The following IL6R variants were observed in gnomAD, a reference collection of about 807,000 sequenced individuals.
The protein encoded by IL6R is interleukin 6 receptor.
In IL6R, 38 loss-of-function variants were observed where a neutral mutation model predicts 48.3. The ratio of observed to expected loss-of-function variants is 0.79; its 90% CI spans 0.61 to 1.03. The LOEUF (loss-of-function observed/expected upper bound fraction) is 1.03. IL6R is among the 50% of genes least tolerant of loss of function. IL6R has a pLI of 0.00. For missense variants in IL6R, 534 were observed against 618.3 expected, an observed-to-expected ratio of 0.86 and a Z score of 1.45; for synonymous variants, 264 against 256.2, an observed-to-expected ratio of 1.03 and a Z score of -0.29.
intron 1 of IL6R, among the ~76,000 whole-genome samples, chr1:154,408,491 C>T (rs1002787171): frequency 1.3e-5 from 2 of 152,122 alleles, no homozygotes; most frequent in Admixed American, 1.3e-4. Context: ...TGGGTACCAA[C>T]TACCCGTGAA....
At chr1:154,447,480 C>T (rs1408657218) in intron 6 of IL6R, among the ~76,000 whole-genome samples, 9 of 90,976 alleles carry the variant, frequency 9.9e-5, no homozygotes, top group Admixed American at 9.5e-4. Flanking sequence ...TATATATACA[C>T]ACACACACAC....
chr1:154,446,289 C>T (rs919616261), intron 6 of IL6R, among the ~76,000 whole-genome samples: 5 of 152,188 alleles, frequency 3.3e-5, no homozygotes, highest in Admixed American at 3.3e-4. Flanking sequence ...TCTGTTTCCC[C>T]TCTGTACAAT....
chr1:154,437,834 C>T (rs1048887767), intron 6 of IL6R, among the ~76,000 whole-genome samples: 2 of 151,868 alleles, frequency 1.3e-5, no homozygotes, highest in Non-Finnish European at 2.9e-5. Context: ...CTGCCTCAGC[C>T]TCCTGAGTAG....
At chr1:154,438,750 C>T (rs2149249495) in intron 6 of IL6R, among the ~76,000 whole-genome samples, 1 of 152,218 alleles carries the variant, frequency 6.6e-6, no homozygotes, top group East Asian at 1.9e-4. Context: ...CTTTCCTGTC[C>T]TGGGGAGAGC....
At chr1:154,463,942 G>A (rs892243316) in intron 9 of IL6R, among the ~76,000 whole-genome samples, 1 of 152,114 alleles carries the variant, frequency 6.6e-6, no homozygotes, top group African/African-American at 2.4e-5. Context: ...CCAGCATGGT[G>A]GGAGTGGACC....
At chr1:154,453,166 C>T (rs1316434941) in intron 8 of IL6R, among the ~76,000 whole-genome samples, 1 of 152,150 alleles carries the variant, frequency 6.6e-6, no homozygotes, top group African/African-American at 2.4e-5. Context: ...GATCACACCA[C>T]TGCACTCCAG....
chr1:154,451,505 G>T (rs1690578513), intron 8 of IL6R, among the ~76,000 whole-genome samples: 1 of 152,076 alleles, frequency 6.6e-6, no homozygotes, highest in African/African-American at 2.4e-5. Flanking sequence ...GCCACAGAGT[G>T]AGATTCCATG....
chr1:154,442,929 G>A (rs1053944465), intron 6 of IL6R, among the ~76,000 whole-genome samples: 4 of 151,960 alleles, frequency 2.6e-5, no homozygotes, highest in Non-Finnish European at 5.9e-5. Flanking sequence ...ACGATGCCCA[G>A]CTAATTTTTT....
intron 1 of IL6R, among the ~76,000 whole-genome samples, chr1:154,418,705 G>A (rs192351206): frequency 1.6e-4 from 24 of 152,314 alleles, no homozygotes; most frequent in Admixed American, 1.2e-3. Flanking sequence ...GGCCCAGATG[G>A]TGGGGTGACT....
intron 8 of IL6R, among the ~76,000 whole-genome samples, chr1:154,453,041 CA>C (rs1690673696): frequency 6.6e-6 from 1 of 151,440 alleles, no homozygotes; most frequent in Non-Finnish European, 1.5e-5. Flanking sequence ...CTCATCTCTA[CA>C]AAAAATACAA....
rs1298423874 is a variant in IL6R, at chr1:154,466,295, T to C, written c.*915T>C. ...GGGAGGGCTTCTGCCATTTCTGAGA[T>C]CAAAACGGTTTTACTGCAGCTTTGT... On this transcript the variant is annotated 3_prime_UTR_variant, in exon 10 of 10. Transcript: ENST00000368485. The C allele has an allele frequency of 2.0e-5, 3 of 152,144 alleles. No homozygotes were observed. The highest frequency in any genetic ancestry group is 4.8e-5 in the African/African-American group (2 of 41,432). The allele number at this position is 152,144 out of a possible 1,614,324, so 9.4% of individuals were successfully genotyped here.
chr1:154,429,322 C>G lies in IL6R; in HGVS notation c.212C>G (p.Pro71Arg). ...VLRKPAAGSH[P>R]SRWAGMGRRL... is the part of the protein sequence containing the mutation. ...AGGAAGCCGGCTGCAGGCTCCCACC[C>G]CAGCAGATGGGCTGGCATGGGAAGG... Residue 71 changes from proline to arginine, a missense_variant, in exon 2 of 10, where the codon CCC (proline) becomes CGC (arginine). Transcript: ENST00000368485. 2 of 1,614,132 alleles carry G rather than the reference C, an allele frequency of 1.2e-6. No individual in the cohort carries two copies. The highest frequency in any genetic ancestry group is 1.7e-6 in the Non-Finnish European group (2 of 1,180,026).
intron 2 of IL6R, among the ~76,000 whole-genome samples, chr1:154,429,868 C>T (rs1381583505): frequency 6.6e-6 from 1 of 152,106 alleles, no homozygotes; most frequent in Non-Finnish European, 1.5e-5. Flanking sequence ...ATATCACACA[C>T]ATATGCTGCT....
At chr1:154,408,299 ATC>A (rs1049199814) in intron 1 of IL6R, among the ~76,000 whole-genome samples, 9 of 152,142 alleles carry the variant, frequency 5.9e-5, no homozygotes, top group African/African-American at 2.2e-4. Flanking sequence ...GTTGCCAGAA[ATC>A]TCTCCTTGCT....
At chr1:154,406,343 G>C (rs895800741) in intron 1 of IL6R, 1 of 152,400 alleles carries the variant, frequency 6.6e-6, no homozygotes, top group African/African-American at 2.4e-5. Flanking sequence ...TGAGTCGGGA[G>C]GCTGGCAAGG....
intron 8 of IL6R, among the ~76,000 whole-genome samples, chr1:154,453,102 G>A (rs1393644146): frequency 6.6e-6 from 1 of 152,114 alleles, no homozygotes; most frequent in Non-Finnish European, 1.5e-5. Context: ...GTACTTGGGA[G>A]GCTGAGGTAG....
At position 154,405,604 on chromosome 1, in the gene IL6R, C is replaced by G; in HGVS notation, c.-26C>G. 6.6e-7 allele frequency: 1 copy of G among 1,523,162 alleles called. No homozygotes were observed. Among genetic ancestry groups the G allele is most frequent in the Non-Finnish European group, 8.8e-7 (1 of 1,141,522 alleles). The allele number at this position is 1,523,162 out of a possible 1,614,324, so 94.4% of individuals were successfully genotyped here. On this transcript the variant is annotated 5_prime_UTR_variant, in exon 1 of 10. Coordinates refer to ENST00000368485, the MANE Select transcript of IL6R (RefSeq NM_000565.4). The surrounding 1 kb of genome is among the most constrained non-coding windows in gnomAD (Gnocchi z 5.2). ...ATTAGCCTGTCCGCCTCTGCGGGAC[C>G]ATGGAGTGGTAGCCGAGGAGGAAGC...
rs778489682 is a variant in IL6R, at chr1:154,429,242, T to C, written c.132T>C (p.Thr44=). ...VLTSLPGDSV[T]LTCPGVEPED... ...CCAGTCTGCCAGGAGACAGCGTGAC[T>C]CTGACCTGCCCGGGGGTAGAGCCGG... is the stretch of plus-strand genomic sequence containing the variant. Residue 44 remains threonine, a synonymous_variant, in exon 2 of 10, where the codon ACT becomes ACC. Transcript: ENST00000368485. 2 of 1,614,054 alleles carry C rather than the reference T, an allele frequency of 1.2e-6. No homozygotes were observed. The highest frequency in any genetic ancestry group is 2.2e-5 in the South Asian group (2 of 91,074).
intron 8 of IL6R, chr1:154,454,242 G>C: frequency 1.9e-6 from 1 of 534,488 alleles, no homozygotes; most frequent in Non-Finnish European, 3.4e-6. Flanking sequence ...CTTGCCAAGT[G>C]GTGGAATCCT....
Sources: allele counts gnomAD v4.1 joint callset (sites outside exome capture counted in the v4.1 genomes callset), GRCh38; gene constraint gnomAD v4.1.1; non-coding constraint Gnocchi (gnomAD v3.1); transcripts MANE v1.5; gene names NCBI Gene and HGNC (gene_info 2026-07-23, HGNC 2026-07-21).